GYS2: variants seen among roughly 807,000 people sequenced by gnomAD.
GYS2 encodes glycogen synthase 2, also known as glycogen [starch] synthase, liver.
In GYS2, 80 loss-of-function variants were observed where a neutral mutation model predicts 85.6. The observed-to-expected ratio is 0.93, with a 90% confidence interval of 0.78 to 1.13. GYS2 has a LOEUF of 1.13. Ranked by LOEUF, GYS2 falls within the 50% of genes most tolerant of loss-of-function variation. GYS2 has a pLI of 0.00. For missense variants in GYS2, 881 were observed against 854.9 expected (o/e 1.03, Z -0.38); for synonymous variants, 328 against 300.7 (o/e 1.09, Z -0.94).
Position 21,540,528 on chromosome 12 carries a change from C to T in GYS2, c.1691G>A (p.Cys564Tyr), listed in dbSNP as rs1943960376. The change falls in exon 14 of 16, where the codon TGC becomes TAC. Residue 564 changes from cysteine (C) to tyrosine (Y), a missense_variant. Cys to Tyr is a radical substitution (Grantham distance 194). Coordinates refer to ENST00000261195, the MANE Select transcript of GYS2 (RefSeq NM_021957.4). ...DRRFRSPDDS[C>Y]NQLTKFLYGF... ...ATAGAGAAACTTAGTCAGCTGATTG[C>T]AAGAATCATCTGGAGAACGGAACCG... 4 of 1,613,570 alleles carry T rather than the reference C, an allele frequency of 2.5e-6. No homozygotes were observed. The highest frequency in any genetic ancestry group is 3.4e-6 in the Non-Finnish European group (4 of 1,179,518).
Position 21,574,330 on chromosome 12 carries a change from C to T in GYS2, c.496-4G>A. 1.2e-6 allele frequency: 2 copies of T among 1,609,358 alleles called. No homozygotes were observed. The highest frequency in any genetic ancestry group is 1.7e-6 in the Non-Finnish European group (2 of 1,176,098). ...TACCATCTGCATGATCTGTCACCTACATTAGGAAAAAAAAAGCATTCAGAA... is the reference window on the plus strand; with the variant it reads ...TACCATCTGCATGATCTGTCACCTATATTAGGAAAAAAAAAGCATTCAGAA... On this transcript the variant is annotated splice_polypyrimidine_tract_variant and splice_region_variant and intron_variant, in intron 3 of 15. Coordinates refer to ENST00000261195, the MANE Select transcript of GYS2 (RefSeq NM_021957.4).
Position 21,568,965 on chromosome 12 carries a change from C to T in GYS2, c.723G>A (p.Arg241=), listed in dbSNP as rs2136894541. 6.2e-7 allele frequency: 1 copy of T among 1,613,802 alleles called. No individual in the cohort carries two copies. Among genetic ancestry groups the T allele is most frequent in the East Asian group, 2.2e-5 (1 of 44,872 alleles). Residue 241 remains arginine (R), a synonymous_variant, in exon 5 of 16, where the codon CGG becomes CGA. Transcript: ENST00000261195. ...GAACGGAAGCTCGCTCCATGCAGTA[C>T]CGGTGGTAAATCTGCCTTTCCCCAG... The part of the protein sequence containing the change: ...KEAGERQIYH[R]YCMERASVHC...
chr12:21,557,776 G>A (rs1168096607), intron 11 of GYS2, among the ~76,000 whole-genome samples: 1 of 152,110 alleles, frequency 6.6e-6, no homozygotes, highest in Admixed American at 6.5e-5. Flanking sequence ...GCGGGCGCCT[G>A]TAGTCCCAGC....
intron 11 of GYS2, among the ~76,000 whole-genome samples, chr12:21,550,351 ACC>A (rs1491210657): frequency 3.1e-4 from 32 of 103,158 alleles, no homozygotes; most frequent in Middle Eastern, 4.4e-3. Flanking sequence ...ACACACACAC[ACC>A]CCTGGTTTTT....
chr12:21,601,195 C>A (rs1944752469), intron 1 of GYS2, among the ~76,000 whole-genome samples: 1 of 151,964 alleles, frequency 6.6e-6, no homozygotes, highest in Non-Finnish European at 1.5e-5. Flanking sequence ...AAACATTTTT[C>A]CCCCACATTT....
intron 5 of GYS2, among the ~76,000 whole-genome samples, chr12:21,563,957 C>A (rs1469771553): frequency 6.6e-6 from 1 of 152,162 alleles, no homozygotes; most frequent in Non-Finnish European, 1.5e-5. Context: ...CTTCTAATTT[C>A]TATTCTTATT....
At chr12:21,583,438 T>C (rs1005103350) in intron 1 of GYS2, among the ~76,000 whole-genome samples, 1 of 152,208 alleles carries the variant, frequency 6.6e-6, no homozygotes, top group Non-Finnish European at 1.5e-5. Flanking sequence ...TATCGAGTGA[T>C]CCAAAAGGCT....
At chr12:21,597,269 C>G (rs1944707084) in intron 1 of GYS2, among the ~76,000 whole-genome samples, 1 of 152,018 alleles carries the variant, frequency 6.6e-6, no homozygotes, top group African/African-American at 2.4e-5. Flanking sequence ...AGTGAAGAGA[C>G]AAGCTGTTGA....
In GYS2 at chr12:21,546,493, T is replaced by A. The variant is rs1392083405; in HGVS notation, c.1423-23A>T. 1.4e-5 allele frequency: 21 copies of A among 1,527,400 alleles called. No homozygotes were observed. The Admixed American group carries it at 1.6e-4, about 12-fold the overall frequency. The allele number at this position is 1,527,400 out of a possible 1,614,324, so 94.6% of individuals were successfully genotyped here. ...CACCTAAAAAAGGAAAATTCTAATT[T>A]AAAAAAAAAGAAAAAGGAGCAAGTA... On this transcript the variant is annotated intron_variant, in intron 11 of 15. Transcript: ENST00000261195.
At chr12:21,593,339 T>C (rs1288513777) in intron 1 of GYS2, among the ~76,000 whole-genome samples, 3 of 151,566 alleles carry the variant, frequency 2.0e-5, no homozygotes, top group Non-Finnish European at 1.5e-5. Context: ...AAAGTTGTTA[T>C]TTAAAAAAGA....
chr12:21,603,842 C>T (rs1944779094), intron 1 of GYS2, among the ~76,000 whole-genome samples: 1 of 152,150 alleles, frequency 6.6e-6, no homozygotes, highest in Non-Finnish European at 1.5e-5. Context: ...CTTCTCTTAC[C>T]CAGCACAGAT....
At chr12:21,577,114 T>C (rs1161793135) in intron 2 of GYS2, among the ~76,000 whole-genome samples, 1 of 152,280 alleles carries the variant, frequency 6.6e-6, no homozygotes, top group Admixed American at 6.5e-5. Context: ...TTGGTCAACC[T>C]TGAAAGACCC....
At chr12:21,599,893 G>A (rs1316863930) in intron 1 of GYS2, among the ~76,000 whole-genome samples, 4 of 152,032 alleles carry the variant, frequency 2.6e-5, no homozygotes, top group African/African-American at 9.7e-5. Flanking sequence ...TTAAATGCTA[G>A]GCACAGTTCT....
chr12:21,562,919 C>T lies in GYS2; in HGVS notation c.1061G>A (p.Arg354Lys), dbSNP rs770330324. ...ESLSRLNFLL[R>K]MHKSDITVMV... Reference sequence around the variant, plus strand: ...TACCATGTCCTAGAGCTTTCTTACCCTCAGCAGGAAATTTAGCCTGGATAA... The same window carrying T: ...TACCATGTCCTAGAGCTTTCTTACCTTCAGCAGGAAATTTAGCCTGGATAA... Residue 354 changes from arginine (R) to lysine (K), a missense_variant and splice_region_variant, in exon 7 of 16, where the codon AGG becomes AAG. Transcript: ENST00000261195. The T allele has an allele frequency of 3.7e-6, 6 of 1,612,076 alleles. No homozygotes were observed. Among genetic ancestry groups the T allele is most frequent in the Admixed American group, 1.7e-5 (1 of 59,992 alleles).
intron 4 of GYS2, among the ~76,000 whole-genome samples, chr12:21,573,381 C>A (rs1303712732): frequency 6.6e-6 from 1 of 151,946 alleles, no homozygotes; most frequent in Non-Finnish European, 1.5e-5. Flanking sequence ...ATATAGACAC[C>A]AAATCTGCAA....
At chr12:21,532,969 T>C (rs1250263489), downstream of GYS2, 1 of 152,220 alleles carries the variant, frequency 6.6e-6, no homozygotes, top group Non-Finnish European at 1.5e-5. Context: ...TTTCCAACTC[T>C]CTTATGGTGT....
intron 1 of GYS2, 27 bp from the exon 2 acceptor site, chr12:21,580,550 A>G (rs907498909): frequency 1.3e-6 from 2 of 1,563,022 alleles, no homozygotes; most frequent in African/African-American, 2.7e-5. Context: ...AGTTTCTATT[A>G]TCATTCAGGT....
At chr12:21,540,717 T>G (rs1943962921) in intron 13 of GYS2, 144 bp from the exon 14 acceptor site, 7 of 727,234 alleles carry the variant, frequency 9.6e-6, no homozygotes, top group African/African-American at 1.7e-5. Flanking sequence ...CACTTTATTC[T>G]TTTCTGAGGC....
chr12:21,543,654 G>A (rs914141044), intron 12 of GYS2, among the ~76,000 whole-genome samples: 1 of 152,010 alleles, frequency 6.6e-6, no homozygotes, highest in Non-Finnish European at 1.5e-5. Flanking sequence ...GTATACATGT[G>A]CTATGGTGGT....
Sources: allele counts gnomAD v4.1 joint callset (sites outside exome capture counted in the v4.1 genomes callset), GRCh38; gene constraint gnomAD v4.1.1; transcripts MANE v1.5; gene names NCBI Gene and HGNC (gene_info 2026-07-23, HGNC 2026-07-21).